TDRD3: variants seen among roughly 807,000 people sequenced by gnomAD.
TDRD3 encodes the protein tudor domain-containing protein 3.
A neutral mutation model predicts 86.7 loss-of-function variants in TDRD3; 45 were observed. The ratio of observed to expected loss-of-function variants is 0.52; its 90% confidence interval spans 0.41 to 0.67. The LOEUF is 0.67. Among genes scored for constraint, TDRD3 ranks in the 30% least tolerant of loss-of-function variants. The pLI, the probability that TDRD3 is intolerant of heterozygous loss-of-function variation, is 0.00. For synonymous variants in TDRD3, 298 were observed against 301.7 expected, an observed-to-expected ratio of 0.99 and a Z score of 0.13; for missense variants, 814 against 889.0, an observed-to-expected ratio of 0.92 and a Z score of 1.07.
chr13:60,563,520 G>GGACTGGAT (rs1958385379), intron 12 of TDRD3, among the ~76,000 whole-genome samples: 1 of 152,136 alleles, frequency 6.6e-6, no homozygotes, highest in Non-Finnish European at 1.5e-5. Context: ...GCTGGCATTA[G>GGACTGGAT]GACTGGATAA....
At chr13:60,441,074 A>G (rs1489851384) in intron 2 of TDRD3, among the ~76,000 whole-genome samples, 1 of 152,122 alleles carries the variant, frequency 6.6e-6, no homozygotes, top group Non-Finnish European at 1.5e-5. Flanking sequence ...TTTCTGAGCT[A>G]AGTATTTAGG....
chr13:60,418,463 A>T (rs1436911539), intron 1 of TDRD3, among the ~76,000 whole-genome samples: 1 of 152,078 alleles, frequency 6.6e-6, no homozygotes, highest in Non-Finnish European at 1.5e-5. Flanking sequence ...GACTAAACTT[A>T]TTTGAGGTCA....
At chr13:60,541,497 G>A (rs1387991797) in intron 12 of TDRD3, among the ~76,000 whole-genome samples, 1 of 151,548 alleles carries the variant, frequency 6.6e-6, no homozygotes, top group Non-Finnish European at 1.5e-5. Context: ...TTTTGTATAC[G>A]TGAATAATAC....
At chr13:60,543,145 T>C (rs1340704011) in intron 12 of TDRD3, among the ~76,000 whole-genome samples, 1 of 152,164 alleles carries the variant, frequency 6.6e-6, no homozygotes, top group Non-Finnish European at 1.5e-5. Context: ...ACTACAACAG[T>C]GAGTACATTT....
intron 1 of TDRD3, among the ~76,000 whole-genome samples, chr13:60,404,397 G>A (rs1216164480): frequency 7.4e-6 from 1 of 134,752 alleles, no homozygotes; most frequent in Non-Finnish European, 1.6e-5. Context: ...TGCAAGCTCC[G>A]CCTCCCGGGT....
chr13:60,484,701 A>G (rs1275073743), intron 6 of TDRD3: 2 of 454,642 alleles, frequency 4.4e-6, no homozygotes. Context: ...AGTTTGGAAG[A>G]AGAAATAGCC....
chr13:60,404,625 G>C (rs1038836870), intron 1 of TDRD3, among the ~76,000 whole-genome samples: 10 of 151,862 alleles, frequency 6.6e-5, no homozygotes, highest in African/African-American at 1.9e-4. Flanking sequence ...TGCTTTTTGA[G>C]ACAGAGTCTC....
At chr13:60,523,074 T>C (rs1375492826) in intron 10 of TDRD3, among the ~76,000 whole-genome samples, 1 of 152,158 alleles carries the variant, frequency 6.6e-6, no homozygotes, top group Non-Finnish European at 1.5e-5. Flanking sequence ...TACATGAAAT[T>C]ATGTAGGCAA....
At chr13:60,453,817 A>T (rs1392250848) in intron 3 of TDRD3, among the ~76,000 whole-genome samples, 1 of 152,062 alleles carries the variant, frequency 6.6e-6, no homozygotes, top group Non-Finnish European at 1.5e-5. Context: ...AAAATACGGC[A>T]TTTCTATTGG....
At chr13:60,486,986 T>C (rs992696472) in intron 7 of TDRD3, among the ~76,000 whole-genome samples, 2 of 152,236 alleles carry the variant, frequency 1.3e-5, no homozygotes, top group Non-Finnish European at 2.9e-5. Context: ...CAGTCAGCTC[T>C]CCATATTTGT....
At chr13:60,527,010 T>A (rs1299151706) in intron 10 of TDRD3, among the ~76,000 whole-genome samples, 1 of 152,080 alleles carries the variant, frequency 6.6e-6, no homozygotes, top group Non-Finnish European at 1.5e-5. Flanking sequence ...AATTTTTGTA[T>A]TTTTAGTAGA....
At chr13:60,535,262 A>T in intron 12 of TDRD3, 29 bp downstream of exon 12, 1 of 1,577,556 alleles carries the variant, frequency 6.3e-7, no homozygotes, top group Non-Finnish European at 8.6e-7. Flanking sequence ...GTACAAAGGC[A>T]TAAACTATTT....
intron 3 of TDRD3, among the ~76,000 whole-genome samples, chr13:60,447,423 T>C (rs1016969443): frequency 8.5e-5 from 13 of 152,288 alleles, no homozygotes; most frequent in Non-Finnish European, 1.6e-4. Context: ...ACTACTCCCT[T>C]ACAACATTGA....
chr13:60,463,184 A>G (rs1955838712), intron 4 of TDRD3, among the ~76,000 whole-genome samples: 1 of 151,982 alleles, frequency 6.6e-6, no homozygotes, highest in South Asian at 2.1e-4. Context: ...ATCACCTGAG[A>G]TCAAGAGTTC....
rs192144287 is a variant in TDRD3, at chr13:60,542,100, T to A, written c.2118+6867T>A. On this transcript the variant is annotated intron_variant, in intron 12 of 13. Coordinates refer to ENST00000377881, the MANE Select transcript of TDRD3 (RefSeq NM_001146070.2). ...AACGGGGCTGGAATTGTTCAGGTGA[T>A]CTTATTTTTCCCTTTGATACTTATG... 6.6e-4 allele frequency among the ~76,000 whole-genome samples: 101 copies of A among 152,282 alleles called. 1 individual carries two copies. In the East Asian group the frequency reaches 0.014, roughly 21 times the overall value.
chr13:60,497,348 G>A (rs1956741237), intron 8 of TDRD3, among the ~76,000 whole-genome samples: 1 of 152,274 alleles, frequency 6.6e-6, no homozygotes, highest in African/African-American at 2.4e-5. Context: ...CCCGATCATT[G>A]TCCCTCCCCC....
chr13:60,408,133 G>A (rs1033377302), intron 1 of TDRD3, among the ~76,000 whole-genome samples: 1 of 152,030 alleles, frequency 6.6e-6, no homozygotes, highest in Non-Finnish European at 1.5e-5. Context: ...GGTTTATCAG[G>A]GGTTTCCACT....
chr13:60,475,667 G>T (rs1306664512), intron 5 of TDRD3, among the ~76,000 whole-genome samples: 2 of 152,148 alleles, frequency 1.3e-5, no homozygotes, highest in Non-Finnish European at 2.9e-5. Flanking sequence ...CAGCAACTGT[G>T]TATGTGTATT....
intron 12 of TDRD3, among the ~76,000 whole-genome samples, chr13:60,548,811 T>C (rs565035968): frequency 1.3e-5 from 2 of 152,198 alleles, no homozygotes; most frequent in Non-Finnish European, 2.9e-5. Flanking sequence ...AAAATTAGTA[T>C]GATCCTTTTG....
Sources: gnomAD v4.1 joint callset for allele counts (sites outside exome capture counted in the v4.1 genomes callset) on GRCh38, gnomAD v4.1.1 for gene constraint, MANE v1.5 for transcripts, NCBI Gene and HGNC (gene_info 2026-07-23, HGNC 2026-07-21) for gene names.